DPY19L3: variants seen among roughly 807,000 people sequenced by gnomAD.
DPY19L3 encodes the protein protein C-mannosyl-transferase DPY19L3.
A neutral mutation model predicts 92.3 loss-of-function variants in DPY19L3; 51 were observed. That is an observed-to-expected ratio of 0.55 (90% CI 0.44 to 0.70). The LOEUF is 0.70. Ranked by LOEUF, DPY19L3 falls within the 30% of genes least tolerant of loss-of-function variation. The pLI is 0.00. For synonymous variants in DPY19L3, 309 were observed against 315.2 expected, an observed-to-expected ratio of 0.98 and a Z score of 0.21; for missense variants, 706 against 855.9, an observed-to-expected ratio of 0.82 and a Z score of 2.18.
intron 16 of DPY19L3, among the ~76,000 whole-genome samples, chr19:32,477,162 A>G (rs773537179): frequency 6.6e-6 from 1 of 152,182 alleles, no homozygotes; most frequent in Non-Finnish European, 1.5e-5. Context: ...CAAGAGCTAC[A>G]CTGCCTGCCT....
At chr19:32,419,790 C>T (rs537623175) in intron 3 of DPY19L3, among the ~76,000 whole-genome samples, 1 of 152,100 alleles carries the variant, frequency 6.6e-6, no homozygotes, top group Admixed American at 6.6e-5. Context: ...TCTAAATTGT[C>T]CTTTCAATGC....
intron 3 of DPY19L3, among the ~76,000 whole-genome samples, chr19:32,413,425 G>C (rs1308916588): frequency 1.3e-5 from 2 of 148,676 alleles, no homozygotes; most frequent in Non-Finnish European, 3.0e-5. Context: ...AATTATCATA[G>C]TACCAAAGAA....
chr19:32,474,302 T>C (rs1305120124), intron 16 of DPY19L3, among the ~76,000 whole-genome samples: 1 of 152,260 alleles, frequency 6.6e-6, no homozygotes, highest in Non-Finnish European at 1.5e-5. Context: ...CACAACTTAA[T>C]GAGCTTCATT....
intron 3 of DPY19L3, chr19:32,412,663 G>A (rs34168796): frequency 0.17 from 26,285 of 151,918 alleles, 3,064 homozygotes; most frequent in East Asian, 0.45. Flanking sequence ...TTAGCCGGGC[G>A]TCACGCCTGT....
At chr19:32,452,138 C>A (rs1438722036) in intron 8 of DPY19L3, among the ~76,000 whole-genome samples, 23 of 152,224 alleles carry the variant, frequency 1.5e-4, no homozygotes, top group Admixed American at 1.5e-3. Flanking sequence ...CAGGCATTTT[C>A]ATCCATTACC....
rs191277116 is a variant in DPY19L3, at chr19:32,407,829, A to G, written c.-37-388A>G. ...GAGGGCAGGCTGGGCACAATGGCTCATTCATGTAATCCTAGCACTTTGGGA... is the reference window on the plus strand; with the variant it reads ...GAGGGCAGGCTGGGCACAATGGCTCGTTCATGTAATCCTAGCACTTTGGGA... On this transcript the variant is annotated intron_variant, in intron 1 of 18. Coordinates refer to ENST00000392250, the MANE Select transcript of DPY19L3 (RefSeq NM_001172774.2). Among the ~76,000 whole-genome samples the G allele has an allele frequency of 3.9e-4, 60 of 152,342 alleles. 1 individual carries two copies. Among genetic ancestry groups the G allele is most frequent in the Admixed American group, 3.5e-3 (53 of 15,306 alleles).
chr19:32,406,910 T>C (rs1281451518), intron 1 of DPY19L3, among the ~76,000 whole-genome samples: 1 of 152,096 alleles, frequency 6.6e-6, no homozygotes, highest in African/African-American at 2.4e-5. Context: ...TCTGTGGCTG[T>C]AGGACTTTGT....
rs1970696322 is a variant in DPY19L3 at position 32,482,249 on chromosome 19, T to G, written c.*9T>G. The G allele has an allele frequency of 6.2e-7, 1 of 1,606,530 alleles. No homozygotes were observed. Among genetic ancestry groups the G allele is most frequent in the Non-Finnish European group, 8.5e-7 (1 of 1,177,710 alleles). On this transcript the variant is annotated 3_prime_UTR_variant, in exon 19 of 19. Coordinates refer to ENST00000392250, the MANE Select transcript of DPY19L3 (RefSeq NM_001172774.2). ...TGTCCAGAAACAAGTAGCGCAGATT[T>G]CTGCCCAGTGTCTATTTTTGATACG...
At chr19:32,477,352 T>C in intron 16 of DPY19L3, 170 bp from the exon 17 acceptor site, 1 of 769,420 alleles carries the variant, frequency 1.3e-6, no homozygotes, top group Non-Finnish European at 2.0e-6. Context: ...ACTTTTGCAC[T>C]CAATAGTTTG....
At chr19:32,462,481 C>G (rs983766312) in intron 12 of DPY19L3, among the ~76,000 whole-genome samples, 1 of 152,044 alleles carries the variant, frequency 6.6e-6, no homozygotes, top group Non-Finnish European at 1.5e-5. Flanking sequence ...GAGGGGACTA[C>G]TGTGCATCAT....
intron 1 of DPY19L3, 145 bp from the exon 2 acceptor site, chr19:32,408,072 G>A (rs924404345): frequency 1.9e-5 from 11 of 579,778 alleles, no homozygotes; most frequent in Middle Eastern, 4.6e-4. Context: ...GTGACAGTGA[G>A]ACCCTGTCTT....
Position 32,453,146 on chromosome 19 carries a change from C to T in DPY19L3, c.857C>T (p.Ala286Val), listed in dbSNP as rs149282626. 2.7e-4 allele frequency: 438 copies of T among 1,613,532 alleles called. 1 individual carries two copies. The East Asian group carries it at 8.6e-3, about 32-fold the overall frequency. ...TCATCTAATCTTTGGTTCTTGCAGG[C>T]GACATGGCTGTATGGAATACAGATA... The part of the protein sequence containing the change: ...DSLDMLPAVK[A>V]TWLYGIQITS... Residue 286 changes from alanine (A) to valine (V), a missense_variant and splice_region_variant, in exon 9 of 19, where the codon GCG (alanine) becomes GTG (valine). Coordinates refer to ENST00000392250, the MANE Select transcript of DPY19L3 (RefSeq NM_001172774.2).
rs1334210590 is a variant in DPY19L3, at chr19:32,477,795, GATAAAGGCAT to G, written c.1830+143_1830+152del. ...TGAATTAGTCTGTTTTCACGCTACT[GATAAAGGCAT>G]ACCTGACACTGGGCAATTTACAGAA... On this transcript the variant is annotated intron_variant, in intron 17 of 18. Transcript: ENST00000392250. 7 of 1,184,422 alleles carry G rather than the reference GATAAAGGCAT, an allele frequency of 5.9e-6. No individual in the cohort carries two copies. In the African/African-American group the frequency reaches 9.2e-5, roughly 16 times the overall value. The allele number at this position is 1,184,422 out of a possible 1,614,324, so 73.4% of individuals were successfully genotyped here. A position where few individuals can be genotyped will look rare whatever the true frequency, so the allele number is the denominator to read the frequency against.
rs1275709621 is a variant in DPY19L3 at position 32,455,055 on chromosome 19, A to C, written c.1089+15A>C. 7.0e-7 allele frequency: 1 copy of C among 1,434,452 alleles called. No individual in the cohort carries two copies. Among genetic ancestry groups the C allele is most frequent in the Non-Finnish European group, 9.5e-7 (1 of 1,056,114 alleles). 88.9% of individuals were successfully genotyped at this position (1,434,452 alleles called of 1,614,324 possible). A position where few individuals can be genotyped will look rare whatever the true frequency, so the allele number is the denominator to read the frequency against. ...ACATAATTAAGGTAAGTTAATAAAA[A>C]TGACATGTTTAATGTATTTTTAATT... On this transcript the variant is annotated intron_variant, in intron 10 of 18. Transcript: ENST00000392250.
At chr19:32,407,861 G>T (rs1163106440) in intron 1 of DPY19L3, among the ~76,000 whole-genome samples, 2 of 152,166 alleles carry the variant, frequency 1.3e-5, no homozygotes, top group Non-Finnish European at 2.9e-5. Context: ...GGGAGTCCAA[G>T]GCGGGGAGGA....
chr19:32,449,725 G>A (rs1969634861), intron 8 of DPY19L3, among the ~76,000 whole-genome samples: 1 of 152,176 alleles, frequency 6.6e-6, no homozygotes. Context: ...ACATGCAAAA[G>A]AATGAAGTTG....
intron 8 of DPY19L3, among the ~76,000 whole-genome samples, chr19:32,443,366 C>T (rs545320377): frequency 9.8e-4 from 149 of 152,204 alleles, no homozygotes; most frequent in Non-Finnish European, 1.7e-3. Context: ...TTTTGTGGTC[C>T]CCCACCAAAT....
chr19:32,417,865 C>G lies in DPY19L3; in HGVS notation c.237+6493C>G, dbSNP rs532858636. Among the ~76,000 whole-genome samples, 38 of 152,288 alleles carry G rather than the reference C, an allele frequency of 2.5e-4. 1 individual carries two copies. Among genetic ancestry groups the G allele is most frequent in the Non-Finnish European group, 5.0e-4 (34 of 68,034 alleles). ...CCCGTAACCAGGGACAGAGGTCAGCCAAATTCTTTCTTGCACAGGAGGAAA... is the reference window on the plus strand; with the variant it reads ...CCCGTAACCAGGGACAGAGGTCAGCGAAATTCTTTCTTGCACAGGAGGAAA... On this transcript the variant is annotated intron_variant, in intron 3 of 18. Coordinates refer to ENST00000392250, the MANE Select transcript of DPY19L3 (RefSeq NM_001172774.2).
At chr19:32,460,339 C>T (rs1969998047) in intron 12 of DPY19L3, among the ~76,000 whole-genome samples, 1 of 152,084 alleles carries the variant, frequency 6.6e-6, no homozygotes, top group Non-Finnish European at 1.5e-5. Flanking sequence ...TGAGCCCAGG[C>T]GTTTGAGGTT....
Sources: gnomAD v4.1 joint callset for allele counts (sites outside exome capture counted in the v4.1 genomes callset) on GRCh38, gnomAD v4.1.1 for gene constraint, MANE v1.5 for transcripts, NCBI Gene and HGNC (gene_info 2026-07-23, HGNC 2026-07-21) for gene names.